COL10A1: variants seen among roughly 807,000 people sequenced by gnomAD.
The protein encoded by COL10A1 is collagen type X alpha 1 chain.
COL10A1 carries 10 observed loss-of-function variants against 18.2 expected under a neutral mutation model. The observed-to-expected ratio is 0.55, with a 90% CI of 0.34 to 0.93. The LOEUF (loss-of-function observed/expected upper bound fraction) is 0.93. COL10A1 is among the 40% of genes least tolerant of loss of function. The pLI is 0.02. For synonymous variants in COL10A1, 330 were observed against 316.6 expected (o/e 1.04, Z -0.45); for missense variants, 897 against 853.5 (o/e 1.05, Z -0.64).
intron 1 of COL10A1, among the ~76,000 whole-genome samples, chr6:116,157,380 G>T (rs1369792595): frequency 6.6e-6 from 1 of 152,168 alleles, no homozygotes; most frequent in African/African-American, 2.4e-5. Context: ...ACAGTCTTTG[G>T]CCACTGCTAT....
the COL10A1 span, among the ~76,000 whole-genome samples, chr6:116,208,841 G>A: frequency 6.6e-6 from 1 of 151,932 alleles, no homozygotes; most frequent in Admixed American, 6.6e-5. Context: ...TTAAAGAGAT[G>A]GCAGAGTAAA....
the COL10A1 span, among the ~76,000 whole-genome samples, chr6:116,176,081 G>A: frequency 4.6e-5 from 7 of 152,276 alleles, no homozygotes; most frequent in South Asian, 4.1e-4. Flanking sequence ...CTTCTACTAC[G>A]CTGTAATTGT....
intron 2 of COL10A1, among the ~76,000 whole-genome samples, chr6:116,122,413 C>G (rs1015188962): frequency 6.6e-6 from 1 of 152,200 alleles, no homozygotes; most frequent in Non-Finnish European, 1.5e-5. Context: ...TGATTTACAT[C>G]TGCCATGCCT....
chr6:116,148,578 T>C (rs753827111), intron 1 of COL10A1, among the ~76,000 whole-genome samples: 12 of 152,336 alleles, frequency 7.9e-5, no homozygotes, highest in African/African-American at 2.4e-4. Flanking sequence ...AATAGAAGTA[T>C]TACTATGATA....
the COL10A1 span, among the ~76,000 whole-genome samples, chr6:116,188,717 T>TC: frequency 6.6e-6 from 1 of 151,564 alleles, no homozygotes; most frequent in East Asian, 1.9e-4. Flanking sequence ...TTTTTTTTTT[T>TC]TTACCTGATT....
chr6:116,216,521 A>G, the COL10A1 span, among the ~76,000 whole-genome samples: 3 of 151,962 alleles, frequency 2.0e-5, no homozygotes, highest in South Asian at 2.1e-4. Flanking sequence ...TAAATTTTGT[A>G]TATTATGTTT....
At chr6:116,183,968 G>A in the COL10A1 span, among the ~76,000 whole-genome samples, 39 of 152,026 alleles carry the variant, frequency 2.6e-4, no homozygotes, top group African/African-American at 9.4e-4. Context: ...GGGCATCTTT[G>A]TCTTTTTCCA....
chr6:116,130,907 T>C (rs896768479), upstream of COL10A1, among the ~76,000 whole-genome samples: 5 of 152,148 alleles, frequency 3.3e-5, no homozygotes, highest in Non-Finnish European at 7.4e-5. Context: ...TTGATTATGT[T>C]TGCAATTCTT....
In COL10A1 at chr6:116,125,622, A is replaced by G. The variant is rs1779279413; in HGVS notation, c.-15-115T>C. 5 of 809,630 alleles carry G rather than the reference A, an allele frequency of 6.2e-6. No individual in the cohort carries two copies. In the East Asian group the frequency reaches 1.1e-4, roughly 18 times the overall value. The allele number at this position is 809,630 out of a possible 1,614,324, so 50.2% of individuals were successfully genotyped here. A position where few individuals can be genotyped will look rare whatever the true frequency, so the allele number is the denominator to read the frequency against. ...TATCTACTTTTTTAACCTATCCTAT[A>G]TATTTTTAATATGTGCCATAAATAA... On this transcript the variant is annotated intron_variant, in intron 1 of 2. Transcript: ENST00000651968.
chr6:116,163,919 A>G, the COL10A1 span, among the ~76,000 whole-genome samples: 1 of 152,164 alleles, frequency 6.6e-6, no homozygotes, highest in African/African-American at 2.4e-5. Flanking sequence ...AGTTCCTTTC[A>G]GCATTCATTT....
the COL10A1 span, among the ~76,000 whole-genome samples, chr6:116,172,344 T>TA: frequency 7.6e-6 from 1 of 131,182 alleles, no homozygotes; most frequent in Non-Finnish European, 1.6e-5. Flanking sequence ...TTTTTTGAGA[T>TA]AGAGTCTCGC....
intron 1 of COL10A1, among the ~76,000 whole-genome samples, chr6:116,135,395 T>C (rs774021049): frequency 3.9e-5 from 6 of 152,024 alleles, no homozygotes; most frequent in Non-Finnish European, 5.9e-5. Context: ...ATTTTTTTTC[T>C]GTAGCATCCA....
chr6:116,148,223 G>C (rs1582834837), intron 1 of COL10A1, among the ~76,000 whole-genome samples: 1 of 152,140 alleles, frequency 6.6e-6, no homozygotes, highest in Non-Finnish European at 1.5e-5. Context: ...TTGGGGACAG[G>C]GGTGGGAGGG....
chr6:116,150,637 A>T (rs1315048729), intron 1 of COL10A1, among the ~76,000 whole-genome samples: 1 of 152,204 alleles, frequency 6.6e-6, no homozygotes, highest in African/African-American at 2.4e-5. Context: ...AAGTCCCTGG[A>T]CAAGAGTGAG....
intron 1 of COL10A1, among the ~76,000 whole-genome samples, chr6:116,132,137 T>TGTGTG (rs1288676539): frequency 1.3e-5 from 2 of 152,146 alleles, no homozygotes; most frequent in East Asian, 3.9e-4. Context: ...AATAACTTTG[T>TGTGTG]GTGTGGGTGT....
chr6:116,198,111 G>A, the COL10A1 span, among the ~76,000 whole-genome samples: 2 of 152,040 alleles, frequency 1.3e-5, no homozygotes, highest in African/African-American at 4.8e-5. Flanking sequence ...TATTTCTCCT[G>A]TCAAAGTGCT....
chr6:116,201,471 A>T, the COL10A1 span, among the ~76,000 whole-genome samples: 1 of 152,016 alleles, frequency 6.6e-6, no homozygotes, highest in Non-Finnish European at 1.5e-5. Context: ...TGACCAATCA[A>T]ATTTCCCTAA....
the COL10A1 span, among the ~76,000 whole-genome samples, chr6:116,195,818 G>T: frequency 6.6e-6 from 1 of 152,018 alleles, no homozygotes; most frequent in Admixed American, 6.6e-5. Flanking sequence ...GGGATTGTGG[G>T]TGGGGACTGA....
rs762721417 is a variant in COL10A1, at chr6:116,121,551, C to T, written c.565G>A (p.Gly189Arg). The change falls in exon 3 of 3, where the codon GGG becomes AGG. Residue 189 changes from glycine to arginine, a missense_variant. Gly to Arg is a moderately radical substitution (Grantham distance 125, BLOSUM62 -2). Coordinates refer to ENST00000651968, the MANE Select transcript of COL10A1 (RefSeq NM_000493.4). ...PGVPGMNGQKGEMGYGAPGRP... is the reference protein window; with the variant it reads ...PGVPGMNGQKREMGYGAPGRP... ...CCAGGAGCACCATATCCCATTTCCCCTTTCTGTCCATTCATACCAGGGACT... is the reference window on the plus strand; with the variant it reads ...CCAGGAGCACCATATCCCATTTCCCTTTTCTGTCCATTCATACCAGGGACT... 3 of 1,614,148 alleles carry T rather than the reference C, an allele frequency of 1.9e-6. No individual in the cohort carries two copies. Among genetic ancestry groups the T allele is most frequent in the African/African-American group, 1.3e-5 (1 of 75,024 alleles).
Sources: gnomAD v4.1 joint callset for allele counts (sites outside exome capture counted in the v4.1 genomes callset) on GRCh38, gnomAD v4.1.1 for gene constraint, MANE v1.5 for transcripts, NCBI Gene and HGNC (gene_info 2026-07-23, HGNC 2026-07-21) for gene names.